ADCY2: variants seen among roughly 807,000 people sequenced by gnomAD.
The protein encoded by ADCY2 is adenylate cyclase type 2.
In ADCY2, 31 loss-of-function variants were observed where a neutral mutation model predicts 125.2. The observed-to-expected ratio is 0.25, with a 90% CI of 0.19 to 0.33. ADCY2 has a LOEUF of 0.33. Ranked by LOEUF, ADCY2 falls within the 10% of genes least tolerant of loss-of-function variation. ADCY2 has a pLI of 1.00. For missense variants in ADCY2, 904 were observed against 1,418.2 expected (o/e 0.64, Z 5.82); for synonymous variants, 512 against 548.4 (o/e 0.93, Z 0.93).
At chr5:7,803,440 C>T (rs1166532159) in intron 21 of ADCY2, among the ~76,000 whole-genome samples, 1 of 152,206 alleles carries the variant, frequency 6.6e-6, no homozygotes, top group African/African-American at 2.4e-5. Context: ...CCCTCCTGAG[C>T]GGGTATAGAC....
At chr5:7,575,010 G>A (rs1736200533) in intron 3 of ADCY2, among the ~76,000 whole-genome samples, 1 of 152,200 alleles carries the variant, frequency 6.6e-6, no homozygotes, top group Non-Finnish European at 1.5e-5. Context: ...GATAGCAGTA[G>A]TACAATTCCA....
rs139450063 is a variant in ADCY2 at position 7,693,406 on chromosome 5, G to GTTTTTTT, written c.870-2340_870-2339insTTTTTTT. 5.1e-4 allele frequency among the ~76,000 whole-genome samples: 30 copies of GTTTTTTT among 58,652 alleles called. 1 individual carries two copies. Among genetic ancestry groups the GTTTTTTT allele is most frequent in the Non-Finnish European group, 6.9e-4 (19 of 27,734 alleles). The allele number at this position is 58,652 out of a possible 152,430, so 38.5% of individuals were successfully genotyped here. A position where few individuals can be genotyped will look rare whatever the true frequency, so the allele number is the denominator to read the frequency against. ...GTACCTTGCATCACAATTGCCTGCT[G>GTTTTTTT]TTTTTTGTTTTTTTTTTTTTTTTTT... is the stretch of plus-strand genomic sequence containing the variant. On this transcript the variant is annotated intron_variant, in intron 5 of 24. Transcript: ENST00000338316.
intron 16 of ADCY2, among the ~76,000 whole-genome samples, chr5:7,764,755 A>G (rs1468908882): frequency 6.6e-6 from 1 of 152,250 alleles, no homozygotes; most frequent in Non-Finnish European, 1.5e-5. Flanking sequence ...GATGCTAAAA[A>G]TATTTTCAGT....
intron 3 of ADCY2, among the ~76,000 whole-genome samples, chr5:7,532,359 A>G (rs1300968634): frequency 2.6e-5 from 4 of 152,222 alleles, no homozygotes; most frequent in African/African-American, 7.2e-5. Context: ...CATTGTTTGT[A>G]GAAGTTTTTC....
chr5:7,507,376 G>A, intron 2 of ADCY2, among the ~76,000 whole-genome samples: 2 of 129,336 alleles, frequency 1.5e-5, no homozygotes, highest in Non-Finnish European at 3.3e-5. Flanking sequence ...GGGAGGCGGA[G>A]CTTGCAGTGA....
At chr5:7,421,356 G>C (rs1394036878) in intron 2 of ADCY2, among the ~76,000 whole-genome samples, 1 of 152,196 alleles carries the variant, frequency 6.6e-6, no homozygotes, top group African/African-American at 2.4e-5. Context: ...CTCTAGAGGA[G>C]AATCCTCCCC....
intron 2 of ADCY2, among the ~76,000 whole-genome samples, chr5:7,459,772 ATTTTTTTTTTTTT>A (rs3033085): frequency 1.1e-4 from 8 of 72,862 alleles, no homozygotes; most frequent in African/African-American, 3.1e-4. Context: ...TTAAGAGGTA[ATTTTTTTTTTTTT>A]TTTTTTTTTT....
At position 7,724,952 on chromosome 5, in the gene ADCY2, T is replaced by C. The variant is rs76440524; in HGVS notation, c.1773+338T>C. 9.2e-4 allele frequency among the ~76,000 whole-genome samples: 140 copies of C among 152,334 alleles called. 1 individual carries two copies. The East Asian group carries it at 0.024, about 26-fold the overall frequency. On this transcript the variant is annotated intron_variant, in intron 13 of 24. Transcript: ENST00000338316. ...AGAAAAGTCTTAAAAAAAACAGAAT[T>C]CTTCTTGATAAATCTGCAATGTCTT...
At chr5:7,790,999 G>C (rs769233256) in intron 20 of ADCY2, among the ~76,000 whole-genome samples, 1 of 152,006 alleles carries the variant, frequency 6.6e-6, no homozygotes, top group Non-Finnish European at 1.5e-5. Context: ...CTATTAATTT[G>C]CATTGCCAGG....
intron 8 of ADCY2, 130 bp downstream of exon 8, chr5:7,707,032 G>A (rs10475386): frequency 0.85 from 989,588 of 1,168,116 alleles, 422,272 homozygotes; most frequent in East Asian, 0.97. Flanking sequence ...TGTTACTCAC[G>A]CCCAACGGCC....
chr5:7,706,964 T>A, intron 8 of ADCY2, 62 bp downstream of exon 8: 1 of 1,595,698 alleles, frequency 6.3e-7, no homozygotes, highest in Non-Finnish European at 8.6e-7. Context: ...TGACAGATTA[T>A]CAGCCTAATG....
intron 19 of ADCY2, among the ~76,000 whole-genome samples, chr5:7,787,722 GT>G (rs758923195): frequency 6.6e-6 from 1 of 152,104 alleles, no homozygotes; most frequent in Non-Finnish European, 1.5e-5. Flanking sequence ...TTGGCAAAAT[GT>G]CATTTCGGTT....
At chr5:7,572,279 A>G (rs148032615) in intron 3 of ADCY2, among the ~76,000 whole-genome samples, 2 of 152,198 alleles carry the variant, frequency 1.3e-5, no homozygotes, top group African/African-American at 4.8e-5. Flanking sequence ...CAGTGTATAA[A>G]TGTTTCTTTT....
In ADCY2 at chr5:7,442,503, G is replaced by T. The variant is rs78427841; in HGVS notation, c.408+27733G>T. 6.5e-3 allele frequency among the ~76,000 whole-genome samples: 994 copies of T among 152,246 alleles called. 8 individuals carry two copies. The highest frequency in any genetic ancestry group is 0.041 in the Middle Eastern group (12 of 294). ...TGGTGGTGTGTGTTCCCCTGGTTGT[G>T]ATCAGGAGAGATAGCGTGTCTTTCT... On this transcript the variant is annotated intron_variant, in intron 2 of 24. Transcript: ENST00000338316.
chr5:7,514,208 C>T (rs6897831), intron 2 of ADCY2, among the ~76,000 whole-genome samples: 7,403 of 152,204 alleles, frequency 0.049, 255 homozygotes, highest in East Asian at 0.18. Context: ...CTGTGAAAGT[C>T]CATGGACCTT....
Position 7,647,388 on chromosome 5 carries a change from C to T in ADCY2, c.720+21072C>T, listed in dbSNP as rs148824205. 4.6e-3 allele frequency among the ~76,000 whole-genome samples: 694 copies of T among 152,230 alleles called. 9 individuals carry two copies. The highest frequency in any genetic ancestry group is 7.5e-3 in the Non-Finnish European group (509 of 68,016). On this transcript the variant is annotated intron_variant, in intron 4 of 24. Coordinates refer to ENST00000338316, the MANE Select transcript of ADCY2 (RefSeq NM_020546.3). ...ATAATATCTGCCACACAAGATTCTT[C>T]CTGAGACAAATTGCAGGTATCAGAG...
chr5:7,769,984 C>T (rs1743508566), intron 17 of ADCY2, among the ~76,000 whole-genome samples: 1 of 152,180 alleles, frequency 6.6e-6, no homozygotes, highest in East Asian at 1.9e-4. Context: ...TCAGCTAAAC[C>T]GTGGAGCCAG....
At chr5:7,577,158 T>C (rs1736277050) in intron 3 of ADCY2, among the ~76,000 whole-genome samples, 1 of 152,170 alleles carries the variant, frequency 6.6e-6, no homozygotes, top group Admixed American at 6.5e-5. Context: ...CAGTCTCTGC[T>C]ACCCAGAGAA....
At chr5:7,793,702 C>T (rs1451789968) in intron 20 of ADCY2, 1 of 152,204 alleles carries the variant, frequency 6.6e-6, no homozygotes, top group Non-Finnish European at 1.5e-5. Context: ...CTGTATTTGT[C>T]AAATAAAGAA....
Sources: gnomAD v4.1 joint callset for allele counts (sites outside exome capture counted in the v4.1 genomes callset) on GRCh38, gnomAD v4.1.1 for gene constraint, MANE v1.5 for transcripts, NCBI Gene and HGNC (gene_info 2026-07-23, HGNC 2026-07-21) for gene names.